The following ROBO2 variants were observed in gnomAD, a reference collection of about 807,000 sequenced individuals.
The protein encoded by ROBO2 is roundabout guidance receptor 2.
In ROBO2, 53 loss-of-function variants were observed where a neutral mutation model predicts 160.8. That is an observed-to-expected ratio of 0.33 (90% CI 0.26 to 0.41). ROBO2 has a LOEUF of 0.41. Ranked by LOEUF, ROBO2 falls within the 10% of genes least tolerant of loss-of-function variation. The pLI is 1.00. For synonymous variants in ROBO2, 664 were observed against 611.7 expected, an observed-to-expected ratio of 1.09 and a Z score of -1.26; for missense variants, 1,577 against 1,722.4, an observed-to-expected ratio of 0.92 and a Z score of 1.49.
intron 2 of ROBO2, among the ~76,000 whole-genome samples, chr3:76,890,670 CTT>C (rs1177605249): frequency 1.3e-5 from 2 of 152,128 alleles, no homozygotes; most frequent in Non-Finnish European, 2.9e-5. Context: ...TCACATATTA[CTT>C]TTTCTATATT....
At chr3:76,576,916 G>T (rs1357161222) in intron 2 of ROBO2, among the ~76,000 whole-genome samples, 1 of 151,858 alleles carries the variant, frequency 6.6e-6, no homozygotes, top group Non-Finnish European at 1.5e-5. Flanking sequence ...CATTTCCAGG[G>T]ACACTATACC....
At chr3:77,582,999 G>A (rs567010516) in intron 16 of ROBO2, among the ~76,000 whole-genome samples, 99 of 151,376 alleles carry the variant, frequency 6.5e-4, no homozygotes, top group African/African-American at 2.3e-3. Context: ...GAAATTAGCC[G>A]GGCGTGGTGG....
rs1337562651 is a variant in ROBO2 at position 76,256,339 on chromosome 3, C to CA, written c.109+318737_109+318738insA. ...TCTCTCTCTCTCTCTCTCTCTCTCT[C>CA]TCTCTCTCTCTCTCACATACACACA... is the stretch of plus-strand genomic sequence containing the variant. On this transcript the variant is annotated intron_variant, in intron 2 of 26. Transcript: ENST00000487694. Among the ~76,000 whole-genome samples the CA allele has an allele frequency of 1.8e-3, 172 of 96,094 alleles. 1 individual carries two copies. Among genetic ancestry groups the CA allele is most frequent in the African/African-American group, 3.9e-3 (127 of 32,232 alleles). The allele number at this position is 96,094 out of a possible 152,430, so 63.0% of individuals were successfully genotyped here.
At chr3:77,633,376 G>A (rs2095206465) in intron 23 of ROBO2, 1 of 152,104 alleles carries the variant, frequency 6.6e-6, no homozygotes, top group African/African-American at 2.4e-5. Context: ...AAAAAAGAAT[G>A]TGGGATTAAT....
At chr3:76,645,217 T>C (rs1462514993) in intron 2 of ROBO2, among the ~76,000 whole-genome samples, 1 of 152,222 alleles carries the variant, frequency 6.6e-6, no homozygotes, top group Non-Finnish European at 1.5e-5. Context: ...TTTTAAGACC[T>C]AAAATGTTTC....
chr3:76,157,170 A>G (rs1035397463), intron 2 of ROBO2, among the ~76,000 whole-genome samples: 1 of 152,174 alleles, frequency 6.6e-6, no homozygotes, highest in Admixed American at 6.5e-5. Context: ...TTCTCAGCTT[A>G]TCAGTAAGGT....
intron 2 of ROBO2, among the ~76,000 whole-genome samples, chr3:76,069,944 G>A (rs1440697922): frequency 1.3e-5 from 2 of 152,148 alleles, no homozygotes; most frequent in African/African-American, 4.8e-5. Flanking sequence ...CATAAGTTGT[G>A]AAGATTTCAC....
intron 2 of ROBO2, among the ~76,000 whole-genome samples, chr3:76,117,742 A>T (rs956050840): frequency 6.6e-6 from 1 of 152,212 alleles, no homozygotes; most frequent in Non-Finnish European, 1.5e-5. Flanking sequence ...CGAAGCTTAC[A>T]TTCTAGTGGG....
chr3:76,228,093 A>T (rs926038484), intron 2 of ROBO2, among the ~76,000 whole-genome samples: 3 of 152,214 alleles, frequency 2.0e-5, no homozygotes, highest in African/African-American at 7.2e-5. Flanking sequence ...AATTTGAAAT[A>T]AAAAAGTGTG....
chr3:76,609,611 G>A lies in ROBO2; in HGVS notation c.110-488403G>A, dbSNP rs140147196. Among the ~76,000 whole-genome samples the A allele has an allele frequency of 8.5e-3, 1,300 of 152,066 alleles. 14 individuals carry two copies. The highest frequency in any genetic ancestry group is 0.024 in the Middle Eastern group (7 of 292). ...TGAATTTGTTTATTAGCTTGGATAGGTTTTTGGTTAAATCTTTGGGTTTTT... is the reference window on the plus strand; with the variant it reads ...TGAATTTGTTTATTAGCTTGGATAGATTTTTGGTTAAATCTTTGGGTTTTT... On this transcript the variant is annotated intron_variant, in intron 2 of 26. Coordinates refer to the ROBO2 transcript ENST00000487694.
intron 2 of ROBO2, among the ~76,000 whole-genome samples, chr3:76,165,455 T>G (rs2106950242): frequency 6.8e-6 from 1 of 146,506 alleles, no homozygotes; most frequent in African/African-American, 2.8e-5. Context: ...GCTTGTTTGA[T>G]TTTCTATCCA....
At chr3:76,745,659 C>G (rs1234664869) in intron 2 of ROBO2, among the ~76,000 whole-genome samples, 3 of 151,946 alleles carry the variant, frequency 2.0e-5, no homozygotes. Context: ...TCATTTTACA[C>G]CTCTATGACA....
chr3:77,110,582 T>A (rs2150174060), intron 2 of ROBO2, among the ~76,000 whole-genome samples: 1 of 150,940 alleles, frequency 6.6e-6, no homozygotes, highest in South Asian at 2.1e-4. Context: ...ACCTTACAAA[T>A]TATGCAAAAA....
intron 2 of ROBO2, among the ~76,000 whole-genome samples, chr3:77,099,845 G>C (rs1422181810): frequency 6.6e-6 from 1 of 152,020 alleles, no homozygotes; most frequent in East Asian, 1.9e-4. Flanking sequence ...AATTAATGGG[G>C]ATGCTAGACC....
chr3:77,191,762 C>A (rs2081875276), intron 2 of ROBO2, among the ~76,000 whole-genome samples: 1 of 152,120 alleles, frequency 6.6e-6, no homozygotes, highest in Middle Eastern at 3.2e-3. Context: ...ATAAACAAGT[C>A]CCCAGGGCTT....
chr3:76,773,523 C>G (rs1028330280), intron 2 of ROBO2, among the ~76,000 whole-genome samples: 2 of 150,702 alleles, frequency 1.3e-5, no homozygotes, highest in Non-Finnish European at 3.0e-5. Context: ...TTATTTGGAT[C>G]TCACAATTTG....
intron 2 of ROBO2, among the ~76,000 whole-genome samples, chr3:76,851,682 C>T (rs962982299): frequency 1.1e-4 from 16 of 139,708 alleles, no homozygotes; most frequent in Middle Eastern, 7.8e-3. Flanking sequence ...TTGCAGTGAG[C>T]CGAGATTGCG....
intron 2 of ROBO2, among the ~76,000 whole-genome samples, chr3:77,391,371 A>G (rs373470467): frequency 2.6e-5 from 4 of 151,682 alleles, no homozygotes; most frequent in Admixed American, 6.6e-5. Flanking sequence ...CAGTGACACA[A>G]TCACGGCTCA....
intron 2 of ROBO2, among the ~76,000 whole-genome samples, chr3:77,281,856 C>T (rs11928406): frequency 6.6e-6 from 1 of 151,812 alleles, no homozygotes; most frequent in Non-Finnish European, 1.5e-5. Context: ...ATACGCAGTT[C>T]ACAATAGGGT....
Sources: allele counts gnomAD v4.1 joint callset (sites outside exome capture counted in the v4.1 genomes callset), GRCh38; gene constraint gnomAD v4.1.1; transcripts MANE v1.5; gene names NCBI Gene and HGNC (gene_info 2026-07-23, HGNC 2026-07-21).